Variants in MGAT5B observed in about 807,000 individuals in gnomAD.
MGAT5B encodes the protein alpha-1,6-mannosylglycoprotein 6-beta-N-acetylglucosaminyltransferase B, also known as N-acetylglucosaminyl-transferase Vb.
MGAT5B carries 54 observed loss-of-function variants against 95.1 expected under a neutral mutation model. The observed-to-expected ratio is 0.57, with a 90% CI of 0.46 to 0.71. The LOEUF (loss-of-function observed/expected upper bound fraction) is 0.71. Among genes scored for constraint, MGAT5B ranks in the 30% least tolerant of loss-of-function variants. The pLI is 0.00. For synonymous variants in MGAT5B, 464 were observed against 451.0 expected (o/e 1.03, Z -0.36); for missense variants, 935 against 1,088.6 (o/e 0.86, Z 1.99).
chr17:76,872,745 C>T (rs1170013523), intron 1 of MGAT5B, 106 bp from the exon 2 acceptor site: 1 of 1,594,372 alleles, frequency 6.3e-7, no homozygotes, highest in Non-Finnish European at 8.5e-7. Context: ...TTGCTTCCTT[C>T]ACTCATGCAC....
At chr17:76,903,492 G>A (rs1238953868) in intron 5 of MGAT5B, 116 bp downstream of exon 5, 3 of 665,990 alleles carry the variant, frequency 4.5e-6, no homozygotes, top group Non-Finnish European at 7.4e-6. Context: ...CAGCTTCTCT[G>A]CTCAGTGCAT....
At chr17:76,902,966 C>G (rs1038939708) in intron 4 of MGAT5B, among the ~76,000 whole-genome samples, 1 of 151,570 alleles carries the variant, frequency 6.6e-6, no homozygotes, top group African/African-American at 2.4e-5. Context: ...CCTCCAGTCC[C>G]TGTGATGTGG....
At chr17:76,883,015 A>T (rs562435463) in intron 3 of MGAT5B, among the ~76,000 whole-genome samples, 36 of 150,644 alleles carry the variant, frequency 2.4e-4, no homozygotes, top group African/African-American at 6.6e-4. Flanking sequence ...TAAAAAAAAA[A>T]TTTTTTTTTG....
intron 8 of MGAT5B, among the ~76,000 whole-genome samples, chr17:76,924,744 G>A (rs1004549312): frequency 7.9e-5 from 12 of 152,184 alleles, no homozygotes; most frequent in Admixed American, 5.9e-4. Context: ...CTGGGTGCAC[G>A]GGAGCCCACG....
chr17:76,924,862 G>C (rs1276699845), intron 8 of MGAT5B, 104 bp from the exon 9 acceptor site: 5 of 1,409,618 alleles, frequency 3.5e-6, no homozygotes, highest in Non-Finnish European at 4.9e-6. Flanking sequence ...TCTGTGCTAA[G>C]CTCTCTGCAC....
intron 12 of MGAT5B, among the ~76,000 whole-genome samples, chr17:76,936,077 G>A (rs1319999803): frequency 6.6e-6 from 1 of 151,288 alleles, no homozygotes; most frequent in Non-Finnish European, 1.5e-5. Context: ...CTGGGTTACA[G>A]GCATGAGCCA....
intron 2 of MGAT5B, among the ~76,000 whole-genome samples, chr17:76,875,367 G>A (rs1967147033): frequency 6.6e-6 from 1 of 152,068 alleles, no homozygotes; most frequent in African/African-American, 2.4e-5. Context: ...GTTTTATAAG[G>A]GGCTTTTTCC....
In MGAT5B at chr17:76,947,937, C is replaced by T. The variant is rs769450152; in HGVS notation, c.2031C>T (p.Ser677=). The T allele has an allele frequency of 6.2e-7, 1 of 1,613,010 alleles. No homozygotes were observed. The highest frequency in any genetic ancestry group is 1.7e-5 in the Admixed American group (1 of 59,928). Reference sequence around the variant, plus strand: ...ACCTCGAGTGGGCTCGGAACACCAGCTTGGCTCCTGGGGCCTGGCCCCCCG... The same window carrying T: ...ACCTCGAGTGGGCTCGGAACACCAGTTTGGCTCCTGGGGCCTGGCCCCCCG... ...ATHLEWARNT[S]LAPGAWPPAH... Residue 677 remains serine, a synonymous_variant, in exon 17 of 18, where the codon AGC becomes AGT. Coordinates refer to ENST00000569840, the MANE Select transcript of MGAT5B (RefSeq NM_001199172.2).
intron 3 of MGAT5B, among the ~76,000 whole-genome samples, chr17:76,900,797 ATGTT>A (rs1348450967): frequency 1.3e-5 from 2 of 152,144 alleles, no homozygotes; most frequent in Admixed American, 6.5e-5. Context: ...TAAGAGTTTT[ATGTT>A]TGTTTGTTTT....
chr17:76,913,489 G>A (rs61494732), intron 8 of MGAT5B, among the ~76,000 whole-genome samples: 11,195 of 152,254 alleles, frequency 0.074, 1,122 homozygotes, highest in African/African-American at 0.22. Flanking sequence ...CACACATGTT[G>A]AAACAGAGGT....
At chr17:76,937,467 A>C (rs1313225657) in intron 12 of MGAT5B, among the ~76,000 whole-genome samples, 2 of 151,692 alleles carry the variant, frequency 1.3e-5, no homozygotes, top group Non-Finnish European at 2.9e-5. Flanking sequence ...GAATGGATGG[A>C]TGGGTGGGTG....
intron 11 of MGAT5B, 131 bp from the exon 12 acceptor site, chr17:76,933,161 A>C: frequency 6.4e-6 from 7 of 1,091,732 alleles, no homozygotes; most frequent in Non-Finnish European, 6.8e-6. Flanking sequence ...GGAGAGGCTT[A>C]GAGATTAGAA....
chr17:76,932,473 G>A (rs572820193), intron 10 of MGAT5B, among the ~76,000 whole-genome samples, 172 bp from the exon 11 acceptor site: 17 of 152,136 alleles, frequency 1.1e-4, no homozygotes, highest in African/African-American at 3.9e-4. Context: ...CAGTCTCCGG[G>A]AAGGGGGTCA....
chr17:76,874,043 A>G (rs911296004), intron 2 of MGAT5B, among the ~76,000 whole-genome samples: 1 of 152,152 alleles, frequency 6.6e-6, no homozygotes, highest in Non-Finnish European at 1.5e-5. Flanking sequence ...CTGGTTTCAC[A>G]TGCACTTCTT....
chr17:76,887,067 C>T (rs1356614756), intron 3 of MGAT5B, among the ~76,000 whole-genome samples: 1 of 79,402 alleles, frequency 1.3e-5, no homozygotes, highest in Non-Finnish European at 2.2e-5. Flanking sequence ...AAAAAAACAC[C>T]GTTGTCCTCT....
Position 76,939,025 on chromosome 17 carries a change from T to TGGGG in MGAT5B, c.1584+884_1584+887dup, listed in dbSNP as rs112555397. ...CCATAGCTTGTTTCCCAAGGCATCTTGGGGGTGTGTGTGTGTGTGTGTGTG... is the reference window on the plus strand; with the variant it reads ...CCATAGCTTGTTTCCCAAGGCATCTTGGGGGGGGGTGTGTGTGTGTGTGTGTGTG... On this transcript the variant is annotated intron_variant, in intron 13 of 17. Coordinates refer to ENST00000569840, the MANE Select transcript of MGAT5B (RefSeq NM_001199172.2). Among the ~76,000 whole-genome samples, 312 of 128,906 alleles carry TGGGG rather than the reference T, an allele frequency of 2.4e-3. 8 individuals are homozygous for TGGGG. The East Asian group carries it at 0.04, about 16-fold the overall frequency. The allele number at this position is 128,906 out of a possible 152,430, so 84.6% of individuals were successfully genotyped here.
At chr17:76,924,043 G>A (rs1969211213) in intron 8 of MGAT5B, 8 of 152,296 alleles carry the variant, frequency 5.3e-5, no homozygotes, top group Admixed American at 4.6e-4. Flanking sequence ...TGTGGAGTTG[G>A]AATAAGCAGG....
In MGAT5B at chr17:76,906,234, A is replaced by T. The variant is rs1968523964; in HGVS notation, c.1025+47A>T. The T allele has an allele frequency of 6.5e-7, 1 of 1,540,308 alleles. No homozygotes were observed. Among genetic ancestry groups the T allele is most frequent in the Non-Finnish European group, 8.7e-7 (1 of 1,150,402 alleles). On this transcript the variant is annotated intron_variant, in intron 8 of 17. Coordinates refer to ENST00000569840, the MANE Select transcript of MGAT5B (RefSeq NM_001199172.2). This position sits in a 1 kb window ranked among gnomAD's most constrained non-coding sequence, Gnocchi z 4.6. ...TGGCATTAAGTGGGGCAGGGAGGGGATGAAGGGGAACCCCACCCCTCCCTC... is the reference window on the plus strand; with the variant it reads ...TGGCATTAAGTGGGGCAGGGAGGGGTTGAAGGGGAACCCCACCCCTCCCTC...
At chr17:76,933,457 A>T (rs930264284) in intron 12 of MGAT5B, among the ~76,000 whole-genome samples, 160 bp downstream of exon 12, 7 of 152,098 alleles carry the variant, frequency 4.6e-5, no homozygotes, top group African/African-American at 1.7e-4. Context: ...GGTGATGGGG[A>T]CAGCAGGGTC....
Sources: allele counts gnomAD v4.1 joint callset (sites outside exome capture counted in the v4.1 genomes callset), GRCh38; gene constraint gnomAD v4.1.1; non-coding constraint Gnocchi (gnomAD v3.1); transcripts MANE v1.5; gene names NCBI Gene and HGNC (gene_info 2026-07-23, HGNC 2026-07-21).